The following UBE2W variants were observed in gnomAD, a reference collection of about 807,000 sequenced individuals.
The protein encoded by UBE2W is ubiquitin-conjugating enzyme E2 W.
A neutral mutation model predicts 27.2 loss-of-function variants in UBE2W; 18 were observed. The ratio of observed to expected loss-of-function variants is 0.66; its 90% confidence interval spans 0.46 to 0.98. The LOEUF is 0.98. Ranked by LOEUF, UBE2W falls within the 50% of genes least tolerant of loss-of-function variation. The pLI is 0.00. For missense variants in UBE2W, 90 were observed against 180.2 expected (o/e 0.50, Z 2.87); for synonymous variants, 53 against 57.2 (o/e 0.93, Z 0.33).
intron 1 of UBE2W, among the ~76,000 whole-genome samples, chr8:73,851,682 T>C (rs906625641): frequency 2.6e-5 from 4 of 152,050 alleles, no homozygotes; most frequent in African/African-American, 4.8e-5. Context: ...TGAAAACTAC[T>C]AGAAAAAAAT....
intron 5 of UBE2W, among the ~76,000 whole-genome samples, chr8:73,798,766 A>T (rs528251209): frequency 6.6e-6 from 1 of 152,338 alleles, no homozygotes; most frequent in African/African-American, 2.4e-5. Flanking sequence ...CTGTTTTATG[A>T]TATAGAACTC....
At chr8:73,871,978 G>A (rs532802736) in intron 1 of UBE2W, among the ~76,000 whole-genome samples, 93 of 151,960 alleles carry the variant, frequency 6.1e-4, no homozygotes, top group East Asian at 5.8e-4. Context: ...CTGTAGCCTC[G>A]AACTCCCTGA....
At chr8:73,871,819 T>C (rs941559635) in intron 1 of UBE2W, among the ~76,000 whole-genome samples, 2 of 152,202 alleles carry the variant, frequency 1.3e-5, no homozygotes, top group African/African-American at 2.4e-5. Flanking sequence ...TTATTTTTTA[T>C]TTTTATATAT....
chr8:73,877,959 C>G (rs1166579416), intron 1 of UBE2W, among the ~76,000 whole-genome samples: 4 of 152,190 alleles, frequency 2.6e-5, no homozygotes, highest in African/African-American at 9.7e-5. Context: ...GGTTAACAAA[C>G]GCCTCCTACC....
chr8:73,804,791 C>T (rs1262478863), intron 5 of UBE2W, among the ~76,000 whole-genome samples: 3 of 151,558 alleles, frequency 2.0e-5, no homozygotes, highest in Non-Finnish European at 4.4e-5. Context: ...AGTAGAGTAG[C>T]GTGATCTCAG....
In UBE2W at chr8:73,805,736, A is replaced by G. The variant is rs769837936; in HGVS notation, c.367-10T>C. Reference sequence around the variant, plus strand: ...TATCCGGTGGTCGTCTCTGAAACAAAAAATAATTTAAATAGGTTGAAAAAC... The same window carrying G: ...TATCCGGTGGTCGTCTCTGAAACAAGAAATAATTTAAATAGGTTGAAAAAC... On this transcript the variant is annotated splice_polypyrimidine_tract_variant and intron_variant, in intron 4 of 5. Transcript: ENST00000602593. The G allele has an allele frequency of 2.7e-6, 4 of 1,476,034 alleles. No individual in the cohort carries two copies. Among genetic ancestry groups the G allele is most frequent in the Non-Finnish European group, 3.6e-6 (4 of 1,097,294 alleles). The allele number at this position is 1,476,034 out of a possible 1,614,324, so 91.4% of individuals were successfully genotyped here. A position where few individuals can be genotyped will look rare whatever the true frequency, so the allele number is the denominator to read the frequency against.
chr8:73,822,651 G>A (rs2130895037), intron 3 of UBE2W, among the ~76,000 whole-genome samples: 1 of 147,870 alleles, frequency 6.8e-6, no homozygotes, highest in Admixed American at 6.8e-5. Context: ...GGGTGTGGTG[G>A]CATGCACCTG....
At chr8:73,849,512 CAAAAAAAAAAAAAAAAA>C (rs71269951) in intron 1 of UBE2W, among the ~76,000 whole-genome samples, 1 of 22,772 alleles carries the variant, frequency 4.4e-5, no homozygotes, top group Non-Finnish European at 7.7e-5. Context: ...AACTCCATCT[CAAAAAAAAAAAAAAAAA>C]AAAAAAAAAA....
chr8:73,801,555 T>C (rs538128625), intron 5 of UBE2W, among the ~76,000 whole-genome samples: 14 of 152,340 alleles, frequency 9.2e-5, no homozygotes, highest in African/African-American at 2.9e-4. Flanking sequence ...ACTAGAGTCT[T>C]AAAAACACTG....
chr8:73,792,310 T>TA lies in UBE2W; in HGVS notation c.*1791dup. ...GTGGTAATTGTTAACTAGCAGTATA[T>TA]AAACAGTGTCCACAATTTGGTGGCT... is the stretch of plus-strand genomic sequence containing the variant. On this transcript the variant is annotated 3_prime_UTR_variant, in exon 6 of 6. Coordinates refer to ENST00000602593, the MANE Select transcript of UBE2W (RefSeq NM_018299.6). 4 of 985,402 alleles carry TA rather than the reference T, an allele frequency of 4.1e-6. No homozygotes were observed. Among genetic ancestry groups the TA allele is most frequent in the Non-Finnish European group, 4.8e-6 (4 of 829,766 alleles). 61.0% of individuals were successfully genotyped at this position (985,402 alleles called of 1,614,324 possible). A position where few individuals can be genotyped will look rare whatever the true frequency, so the allele number is the denominator to read the frequency against.
At chr8:73,837,800 T>C (rs756743934) in intron 1 of UBE2W, among the ~76,000 whole-genome samples, 124 of 152,312 alleles carry the variant, frequency 8.1e-4, no homozygotes, top group Non-Finnish European at 1.6e-3. Context: ...CCAAAACACA[T>C]GACTTCAGCA....
intron 1 of UBE2W, among the ~76,000 whole-genome samples, chr8:73,873,373 T>G (rs1046586297): frequency 6.6e-6 from 1 of 152,164 alleles, no homozygotes; most frequent in African/African-American, 2.4e-5. Flanking sequence ...CAAAGAGCAG[T>G]GGGCTGGGGG....
At chr8:73,781,624 T>G (rs528730684), downstream of UBE2W, among the ~76,000 whole-genome samples, 223 of 136,616 alleles carry the variant, frequency 1.6e-3, 1 homozygote, top group African/African-American at 7.6e-3. Flanking sequence ...TTTGGGTTTT[T>G]TTTTTTTTTT....
At chr8:73,827,593 A>C (rs111564082) in intron 2 of UBE2W, among the ~76,000 whole-genome samples, 8,664 of 151,878 alleles carry the variant, frequency 0.057, 813 homozygotes, top group African/African-American at 0.2. Flanking sequence ...ACCGTGGTGC[A>C]ATCAGGGCTC....
Position 73,789,307 on chromosome 8 carries a change from T to TAAAAAA in UBE2W, c.*4789_*4794dup, listed in dbSNP as rs10652083. 273 of 40,056 alleles carry TAAAAAA rather than the reference T, an allele frequency of 6.8e-3. 42 individuals carry two copies. The highest frequency in any genetic ancestry group is 9.5e-3 in the Non-Finnish European group (207 of 21,764). 2.5% of individuals were successfully genotyped at this position (40,056 alleles called of 1,614,324 possible). ...GCAACATGGTGAGACCTCGTGTCTT[T>TAAAAAA]AAAAAAAAAAAAAAAAAAAAAAAAA... On this transcript the variant is annotated 3_prime_UTR_variant, in exon 6 of 6. Transcript: ENST00000602593.
intron 5 of UBE2W, among the ~76,000 whole-genome samples, chr8:73,794,854 T>TAAAAAAAAAAAAAAAAAAAAAAA (rs1289254274): frequency 2.3e-5 from 1 of 43,948 alleles, no homozygotes; most frequent in East Asian, 4.8e-4. Context: ...CTCTGTCTCA[T>TAAAAAAAAAAAAAAAAAAAAAAA]AAAAAAAAAA....
chr8:73,825,102 G>T, intron 3 of UBE2W, 45 bp downstream of exon 3: 1 of 1,203,884 alleles, frequency 8.3e-7, no homozygotes, highest in Non-Finnish European at 1.2e-6. Flanking sequence ...CTGGCATTTA[G>T]CTATCTAAAA....
At chr8:73,872,991 C>T (rs907801332) in intron 1 of UBE2W, among the ~76,000 whole-genome samples, 1 of 151,476 alleles carries the variant, frequency 6.6e-6, no homozygotes, top group Admixed American at 6.6e-5. Flanking sequence ...AAGGCGCCTC[C>T]GCCTCCTGGG....
intron 1 of UBE2W, among the ~76,000 whole-genome samples, chr8:73,849,656 G>C (rs1034209694): frequency 6.6e-6 from 1 of 150,376 alleles, no homozygotes; most frequent in Non-Finnish European, 1.5e-5. Context: ...CAAATGAAAA[G>C]TACTTAAAAG....
Sources: gnomAD v4.1 joint callset for allele counts (sites outside exome capture counted in the v4.1 genomes callset) on GRCh38, gnomAD v4.1.1 for gene constraint, MANE v1.5 for transcripts, NCBI Gene and HGNC (gene_info 2026-07-23, HGNC 2026-07-21) for gene names.